The following CACNA1H variants were observed in gnomAD, a reference collection of about 807,000 sequenced individuals.
CACNA1H encodes calcium voltage-gated channel subunit alpha1 H.
CACNA1H carries 149 observed loss-of-function variants against 192.5 expected under a neutral mutation model. The ratio of observed to expected loss-of-function variants is 0.77; its 90% confidence interval spans 0.68 to 0.89. The LOEUF (loss-of-function observed/expected upper bound fraction) is 0.89, where lower values mean the gene tolerates loss of function less well. CACNA1H is among the 40% of genes least tolerant of loss of function. The probability of loss-of-function intolerance (pLI) is 0.00; values close to 1 mark genes in which losing one functional copy is unlikely to be tolerated. For missense variants in CACNA1H, 4,257 were observed against 3,423.5 expected (o/e 1.24, Z -6.08); for synonymous variants, 2,202 against 1,475.2 (o/e 1.49, Z -11.29).
chr16:1,162,380 C>G (rs1007596934), intron 2 of CACNA1H, among the ~76,000 whole-genome samples: 1 of 152,162 alleles, frequency 6.6e-6, no homozygotes, highest in African/African-American at 2.4e-5. Context: ...GTGGGCCCCC[C>G]CGGAGGGAGA....
rs575909585 is a variant in CACNA1H, at chr16:1,218,276, G to A, written c.5512G>A (p.Val1838Ile). 79 of 1,552,426 alleles carry A rather than the reference G, an allele frequency of 5.1e-5. 1 individual carries two copies. Among genetic ancestry groups the A allele is most frequent in the Middle Eastern group, 1.7e-4 (1 of 5,942 alleles). Residue 1838 changes from valine (V) to isoleucine (I), a missense_variant, in exon 33 of 35, where the codon GTC (valine) becomes ATC (isoleucine). Val to Ile is a conservative substitution (Grantham distance 29). Transcript: ENST00000348261. ...GAGCTACCTGCCGGCCCTGTCGCCC[G>A]TCTACTTCGTGACCTTCGTGCTGGT... ...CLSYLPALSP[V>I]YFVTFVLVAQ...
Position 1,221,483 on chromosome 16 carries a change from C to T in CACNA1H, c.*489C>T. The T allele has an allele frequency of 5.5e-6, 2 of 365,488 alleles. No homozygotes were observed. The highest frequency in any genetic ancestry group is 4.9e-6 in the Non-Finnish European group (1 of 202,396). 22.6% of individuals were successfully genotyped at this position (365,488 alleles called of 1,614,324 possible). A position where few individuals can be genotyped will look rare whatever the true frequency, so the allele number is the denominator to read the frequency against. On this transcript the variant is annotated 3_prime_UTR_variant, in exon 35 of 35. Coordinates refer to ENST00000348261, the MANE Select transcript of CACNA1H (RefSeq NM_021098.3). ...CGCCCTCACCACCCTCCCCTTCCAG[C>T]CACCACCCTTTCCGTTCCGCTCGGG...
At position 1,218,626 on chromosome 16, in the gene CACNA1H, G is replaced by T. The variant is rs1185902281; in HGVS notation, c.5862G>T (p.Glu1954Asp). 6 of 1,556,388 alleles carry T rather than the reference G, an allele frequency of 3.9e-6. No individual in the cohort carries two copies. The highest frequency in any genetic ancestry group is 2.4e-5 in the East Asian group (1 of 42,084). Residue 1954 changes from glutamate to aspartate, a missense_variant, in exon 33 of 35, where the codon GAG becomes GAT. Transcript: ENST00000348261. Reference sequence around the variant, plus strand: ...GCCCGCTGCAGGAGGTGGAGATGGAGACCTATGGGGCCGGCACCCCCTTGG... The same window carrying T: ...GCCCGCTGCAGGAGGTGGAGATGGATACCTATGGGGCCGGCACCCCCTTGG... ...HPRPLQEVEM[E>D]TYGAGTPLGS...
In CACNA1H at chr16:1,210,350, A is replaced by AACCCC; in HGVS notation, c.3846-20_3846-19insACCCC. The stretch of plus-strand genomic sequence containing the variant: ...TCCACGCCGCCCCGCCCCACCTCTC[A>AACCCC]CCCGCCCCCGCCCACCCAGGTTCCG... On this transcript the variant is annotated intron_variant, in intron 18 of 34. Transcript: ENST00000348261. 3 of 313,944 alleles carry AACCCC rather than the reference A, an allele frequency of 9.6e-6. No homozygotes were observed. Among genetic ancestry groups the AACCCC allele is most frequent in the Non-Finnish European group, 1.4e-5 (3 of 215,954 alleles). 19.4% of individuals were successfully genotyped at this position (313,944 alleles called of 1,614,324 possible).
chr16:1,200,197 G>C lies in CACNA1H; in HGVS notation c.804-59G>C, dbSNP rs764471175. On this transcript the variant is annotated intron_variant, in intron 6 of 34. Transcript: ENST00000348261. Reference sequence around the variant, plus strand: ...CGTCCCTGATCACAATCGTGCCCCCGACTCTGACCGTCCCTGACCCTGATT... The same window carrying C: ...CGTCCCTGATCACAATCGTGCCCCCCACTCTGACCGTCCCTGACCCTGATT... 19 of 1,413,280 alleles carry C rather than the reference G, an allele frequency of 1.3e-5. No individual in the cohort carries two copies. In the African/African-American group the frequency reaches 1.7e-4, roughly 13 times the overall value. The allele number at this position is 1,413,280 out of a possible 1,614,324, so 87.5% of individuals were successfully genotyped here.
intron 2 of CACNA1H, among the ~76,000 whole-genome samples, chr16:1,171,803 C>T (rs1567451951): frequency 6.6e-6 from 1 of 152,222 alleles, no homozygotes; most frequent in Admixed American, 6.5e-5. Context: ...GACACTACCC[C>T]CAACTCGGCT....
chr16:1,218,061 T>C (rs1320458729), intron 32 of CACNA1H, 21 bp downstream of exon 32: 1 of 1,592,512 alleles, frequency 6.3e-7, no homozygotes, highest in African/African-American at 1.3e-5. Flanking sequence ...CGGCCATGCC[T>C]CTGGCACCTG....
At position 1,218,447 on chromosome 16, in the gene CACNA1H, G is replaced by A; in HGVS notation, c.5683G>A (p.Asp1895Asn). ...AQGPGSARRVDADRPPLPQES... is the reference protein window; with the variant it reads ...AQGPGSARRVNADRPPLPQES... Reference sequence around the variant, plus strand: ...GGGCCCCGGGAGTGCACGCCGGGTGGACGCGGACAGGCCTCCCTTGCCCCA... The same window carrying A: ...GGGCCCCGGGAGTGCACGCCGGGTGAACGCGGACAGGCCTCCCTTGCCCCA... The change falls in exon 33 of 35, where the codon GAC becomes AAC. Residue 1895 changes from aspartate (D) to asparagine (N), a missense_variant. Transcript: ENST00000348261. 6.4e-7 allele frequency: 1 copy of A among 1,551,956 alleles called. No individual in the cohort carries two copies.
intron 6 of CACNA1H, chr16:1,199,071 GC>G: frequency 4.9e-6 from 1 of 205,040 alleles, no homozygotes; most frequent in Non-Finnish European, 9.3e-6. Flanking sequence ...CTGCACATAT[GC>G]CCCACCCCCC....
intron 2 of CACNA1H, among the ~76,000 whole-genome samples, chr16:1,188,910 C>T (rs564989689): frequency 4.8e-4 from 73 of 152,344 alleles, no homozygotes; most frequent in African/African-American, 1.6e-3. Flanking sequence ...CAGCACTGCC[C>T]GCCCTGCGTC....
chr16:1,185,611 C>A, intron 2 of CACNA1H, among the ~76,000 whole-genome samples: 1 of 147,472 alleles, frequency 6.8e-6, no homozygotes, highest in South Asian at 2.1e-4. Flanking sequence ...TGCGTAGGGG[C>A]CGGAGGCGGG....
intron 4 of CACNA1H, 141 bp downstream of exon 4, chr16:1,195,706 C>A: frequency 9.3e-7 from 1 of 1,079,270 alleles, no homozygotes; most frequent in Non-Finnish European, 1.4e-6. Flanking sequence ...CTGTCTGGGA[C>A]TCCGGAGACC....
intron 2 of CACNA1H, among the ~76,000 whole-genome samples, chr16:1,184,504 C>G (rs952887647): frequency 6.6e-6 from 1 of 152,242 alleles, no homozygotes; most frequent in Admixed American, 6.5e-5. Flanking sequence ...CGGCCCTCAC[C>G]CTCATCCTCT....
At chr16:1,160,879 C>G (rs1201606901) in intron 2 of CACNA1H, among the ~76,000 whole-genome samples, 2 of 152,132 alleles carry the variant, frequency 1.3e-5, no homozygotes, top group Non-Finnish European at 2.9e-5. Flanking sequence ...GCCAGAGCAC[C>G]CCATCCTCGG....
At chr16:1,195,242 G>A (rs1225474042) in intron 3 of CACNA1H, among the ~76,000 whole-genome samples, 159 bp downstream of exon 3, 3 of 146,064 alleles carry the variant, frequency 2.1e-5, no homozygotes, top group Admixed American at 1.4e-4. Context: ...GCGAGGTGGG[G>A]CTGGGGGTGG....
chr16:1,192,846 T>C (rs985770822), intron 2 of CACNA1H, among the ~76,000 whole-genome samples: 1 of 152,140 alleles, frequency 6.6e-6, no homozygotes, highest in Non-Finnish European at 1.5e-5. Context: ...GGCTGGAAAT[T>C]GCCTGCTTTG....
At chr16:1,172,133 C>T (rs555197308) in intron 2 of CACNA1H, among the ~76,000 whole-genome samples, 36 of 152,226 alleles carry the variant, frequency 2.4e-4, no homozygotes, top group African/African-American at 6.3e-4. Context: ...GGCCCCGGGC[C>T]GCAGGGCGTG....
chr16:1,211,733 CGTG>C lies in CACNA1H; in HGVS notation c.4495_4497del (p.Val1499del). ...GCCCTCAGGCCCTGATGTCGCTGTT[CGTG>C]CTGTCATCCAAGGATGGATGGGTGA... On this transcript the variant is annotated inframe_deletion, in exon 24 of 35. Coordinates refer to ENST00000348261, the MANE Select transcript of CACNA1H (RefSeq NM_021098.3). 2 of 1,612,628 alleles carry C rather than the reference CGTG, an allele frequency of 1.2e-6. No homozygotes were observed. The highest frequency in any genetic ancestry group is 8.5e-7 in the Non-Finnish European group (1 of 1,179,718).
At chr16:1,201,610 C>T (rs981973761) in intron 8 of CACNA1H, 53 bp from the exon 9 acceptor site, 77 of 1,502,318 alleles carry the variant, frequency 5.1e-5, no homozygotes, top group Non-Finnish European at 6.3e-5. Flanking sequence ...GGCTCAGTGG[C>T]GAATCAGAGA....
Sources: allele counts gnomAD v4.1 joint callset (sites outside exome capture counted in the v4.1 genomes callset), GRCh38; gene constraint gnomAD v4.1.1; transcripts MANE v1.5; gene names NCBI Gene and HGNC (gene_info 2026-07-23, HGNC 2026-07-21).